The following ATAD2B variants were observed in gnomAD, a reference collection of about 807,000 sequenced individuals.
ATAD2B encodes ATPase family AAA domain containing 2B, also known as ATPase family AAA domain-containing protein 2B.
In ATAD2B, 40 loss-of-function variants were observed where a neutral mutation model predicts 167.6. The observed-to-expected ratio is 0.24, with a 90% CI of 0.19 to 0.31. ATAD2B has a LOEUF of 0.31. Ranked by LOEUF, ATAD2B falls within the 10% of genes least tolerant of loss-of-function variation. The probability of loss-of-function intolerance (pLI) is 1.00; values close to 1 mark genes in which losing one functional copy is unlikely to be tolerated. For missense variants in ATAD2B, 1,242 were observed against 1,757.2 expected, an observed-to-expected ratio of 0.71 and a Z score of 5.24; for synonymous variants, 579 against 596.5, an observed-to-expected ratio of 0.97 and a Z score of 0.43.
chr2:23,716,087 C>G, the ATAD2B span, among the ~76,000 whole-genome samples: 1 of 152,210 alleles, frequency 6.6e-6, no homozygotes. Context: ...ATTTCCAACA[C>G]TTTCTCAAGA....
At chr2:23,739,045 T>C in the ATAD2B span, among the ~76,000 whole-genome samples, 1 of 152,162 alleles carries the variant, frequency 6.6e-6, no homozygotes, top group South Asian at 2.1e-4. Flanking sequence ...CCCAGATTCA[T>C]AAAGCAAGTC....
chr2:23,776,019 G>A (rs1679061976), intron 22 of ATAD2B, among the ~76,000 whole-genome samples: 1 of 152,192 alleles, frequency 6.6e-6, no homozygotes, highest in Non-Finnish European at 1.5e-5. Flanking sequence ...GGGAGGCTGA[G>A]GCAGGAGAAT....
chr2:23,872,712 T>C, intron 8 of ATAD2B: 1 of 1,195,472 alleles, frequency 8.4e-7, no homozygotes, highest in Non-Finnish European at 1.2e-6. Context: ...GTTTCTGCTT[T>C]ACTGAGATCA....
intron 13 of ATAD2B, among the ~76,000 whole-genome samples, chr2:23,842,010 T>C (rs960577868): frequency 3.9e-5 from 6 of 152,216 alleles, no homozygotes; most frequent in African/African-American, 1.4e-4. Flanking sequence ...TATCCTTACA[T>C]GTAGATGTCT....
chr2:23,752,652 A>C (rs140014494), intron 27 of ATAD2B, among the ~76,000 whole-genome samples: 311 of 152,194 alleles, frequency 2.0e-3, no homozygotes, highest in African/African-American at 6.7e-3. Context: ...ATTTGAATAC[A>C]GGCAGCCTCA....
At chr2:23,801,087 T>C (rs1462536514) in intron 18 of ATAD2B, among the ~76,000 whole-genome samples, 2 of 152,156 alleles carry the variant, frequency 1.3e-5, no homozygotes, top group Non-Finnish European at 2.9e-5. Context: ...CCTTATTCTA[T>C]GTTATCTCAG....
chr2:23,754,834 A>G, intron 25 of ATAD2B, 60 bp from the exon 26 acceptor site: 3 of 1,530,572 alleles, frequency 2.0e-6, no homozygotes, highest in African/African-American at 1.4e-5. Context: ...ACCAGTCTTA[A>G]GCAGTTATAA....
chr2:23,833,254 A>G (rs1689356487), intron 14 of ATAD2B, among the ~76,000 whole-genome samples: 1 of 152,202 alleles, frequency 6.6e-6, no homozygotes, highest in Non-Finnish European at 1.5e-5. Flanking sequence ...AGGTCCAAAA[A>G]CAAAGCTATA....
the ATAD2B span, among the ~76,000 whole-genome samples, chr2:23,683,510 T>C: frequency 2.0e-5 from 3 of 152,086 alleles, no homozygotes; most frequent in South Asian, 2.1e-4. Flanking sequence ...CTTCCCTCCT[T>C]CTCCTTTCTA....
chr2:23,693,209 G>C, the ATAD2B span: 1 of 1,499,704 alleles, frequency 6.7e-7, no homozygotes, highest in Non-Finnish European at 8.9e-7. Context: ...ACAGCAATGG[G>C]AACAGGTGGC....
chr2:23,902,754 T>C (rs1302652486), intron 1 of ATAD2B, among the ~76,000 whole-genome samples: 1 of 152,144 alleles, frequency 6.6e-6, no homozygotes, highest in Non-Finnish European at 1.5e-5. Flanking sequence ...TGGAAGGCAG[T>C]GGTAAAAAAG....
At chr2:23,788,358 C>T in intron 20 of ATAD2B, 154 bp downstream of exon 20, 1 of 799,938 alleles carries the variant, frequency 1.3e-6, no homozygotes, top group Non-Finnish European at 2.0e-6. Flanking sequence ...GTCAGGTGAA[C>T]ACAATGGACA....
chr2:23,921,826 A>G (rs554071379), intron 1 of ATAD2B, among the ~76,000 whole-genome samples: 1 of 152,312 alleles, frequency 6.6e-6, no homozygotes, highest in East Asian at 1.9e-4. Flanking sequence ...AATCTGATAC[A>G]GTATAAGGAA....
chr2:23,872,802 C>T, intron 8 of ATAD2B: 1 of 994,514 alleles, frequency 1.0e-6, no homozygotes, highest in Non-Finnish European at 1.6e-6. Context: ...GCATCTAGCA[C>T]TGTCCAGAGG....
intron 17 of ATAD2B, among the ~76,000 whole-genome samples, chr2:23,812,831 AGAGT>A (rs1159062906): frequency 2.1e-5 from 3 of 141,458 alleles, no homozygotes; most frequent in African/African-American, 7.9e-5. Context: ...CCACTGCAAC[AGAGT>A]GAGACTCAGT....
the ATAD2B span, among the ~76,000 whole-genome samples, chr2:23,681,944 G>A: frequency 3.7e-4 from 57 of 152,168 alleles, no homozygotes; most frequent in African/African-American, 1.2e-3. The surrounding 1 kb of genome is among the most constrained non-coding windows in gnomAD (Gnocchi z 4.2). Flanking sequence ...GTGCGCAGGC[G>A]CCGCTGGGCT....
chr2:23,824,864 T>C (rs1427336084), intron 15 of ATAD2B, among the ~76,000 whole-genome samples: 10 of 152,228 alleles, frequency 6.6e-5, no homozygotes. Context: ...CAATTATCAG[T>C]TATGCCAGTA....
intron 13 of ATAD2B, among the ~76,000 whole-genome samples, chr2:23,835,954 G>C (rs1176231829): frequency 1.3e-5 from 2 of 151,608 alleles, no homozygotes; most frequent in East Asian, 3.9e-4. Flanking sequence ...AAAAAAATGA[G>C]TGAACTGTAC....
intron 12 of ATAD2B, among the ~76,000 whole-genome samples, chr2:23,858,625 A>G (rs935443517): frequency 3.3e-5 from 5 of 151,816 alleles, no homozygotes; most frequent in African/African-American, 9.7e-5. Flanking sequence ...CTGGGACTAC[A>G]GGCAGGGACC....
Sources: gnomAD v4.1 joint callset for allele counts (sites outside exome capture counted in the v4.1 genomes callset) on GRCh38, gnomAD v4.1.1 for gene constraint, Gnocchi (gnomAD v3.1) non-coding constraint, MANE v1.5 for transcripts, NCBI Gene and HGNC (gene_info 2026-07-23, HGNC 2026-07-21) for gene names.